Variants in UBR3 observed in about 807,000 individuals in gnomAD.
UBR3 encodes E3 ubiquitin-protein ligase UBR3.
Under a neutral mutation model 243.2 loss-of-function variants are expected in UBR3, and 85 were observed. That is an observed-to-expected ratio of 0.35 (90% confidence interval 0.29 to 0.42). The LOEUF (loss-of-function observed/expected upper bound fraction) is 0.42, where lower values mean the gene tolerates loss of function less well. Ranked by LOEUF, UBR3 falls within the 10% of genes least tolerant of loss-of-function variation. UBR3 has a pLI of 1.00. For synonymous variants in UBR3, 748 were observed against 799.8 expected, an observed-to-expected ratio of 0.94 and a Z score of 1.09; for missense variants, 1,686 against 2,300.8, an observed-to-expected ratio of 0.73 and a Z score of 5.47.
At chr2:169,933,964 ACTGAGGTTCTCTTT>A (rs1476150510) in intron 19 of UBR3, among the ~76,000 whole-genome samples, 2 of 152,156 alleles carry the variant, frequency 1.3e-5, no homozygotes, top group African/African-American at 2.4e-5. Context: ...GAGAAATTAG[ACTGAGGTTCTCTTT>A]CTCTGGTTTC....
rs73015750 is a variant in UBR3, at chr2:169,927,150, G to T, written c.2339-170G>T. Among the ~76,000 whole-genome samples the T allele has an allele frequency of 0.044, 6,631 of 152,266 alleles. 166 individuals carry two copies. Among genetic ancestry groups the T allele is most frequent in the Middle Eastern group, 0.068 (20 of 294 alleles). On this transcript the variant is annotated intron_variant, in intron 16 of 38. Coordinates refer to ENST00000272793, the MANE Select transcript of UBR3 (RefSeq NM_172070.4). ...CTTTTAGAATATCCTTTGCTTAAGG[G>T]AACTGCAAACAGCAGTTAAACTGCA... is the stretch of plus-strand genomic sequence containing the variant.
At chr2:169,929,055 A>G (rs1363308521) in intron 18 of UBR3, among the ~76,000 whole-genome samples, 187 bp downstream of exon 18, 1 of 152,234 alleles carries the variant, frequency 6.6e-6, no homozygotes, top group Non-Finnish European at 1.5e-5. Context: ...AGAAATCTAT[A>G]GCTTTATGTT....
chr2:170,040,766 C>A, intron 31 of UBR3, 116 bp from the exon 32 acceptor site: 1 of 818,100 alleles, frequency 1.2e-6, no homozygotes, highest in Non-Finnish European at 1.8e-6. Context: ...TTTTACATTT[C>A]TTCTTTGTGT....
intron 16 of UBR3, 60 bp from the exon 17 acceptor site, chr2:169,927,260 T>C: frequency 2.1e-6 from 3 of 1,442,100 alleles, no homozygotes; most frequent in African/African-American, 2.9e-5. Context: ...GTGTGGTAAG[T>C]TTTTTTCTTT....
In UBR3 at chr2:169,946,123, GA is replaced by G. The variant is rs1461589824; in HGVS notation, c.2806-163del. 9.2e-5 allele frequency among the ~76,000 whole-genome samples: 14 copies of G among 152,144 alleles called. No individual in the cohort carries two copies. In the South Asian group the frequency reaches 1.0e-3, roughly 11 times the overall value. ...TTTTATTAAATACTTATATTCGTAT[GA>G]ATTTTTTTAGTGGACTCTGACATAC... is the stretch of plus-strand genomic sequence containing the variant. On this transcript the variant is annotated intron_variant, in intron 20 of 38. Coordinates refer to ENST00000272793, the MANE Select transcript of UBR3 (RefSeq NM_172070.4).
chr2:169,985,641 C>T (rs1029408373), intron 24 of UBR3, among the ~76,000 whole-genome samples: 1 of 152,020 alleles, frequency 6.6e-6, no homozygotes, highest in Non-Finnish European at 1.5e-5. Context: ...TGATTCTATT[C>T]AGGTACTGTT....
intron 26 of UBR3, among the ~76,000 whole-genome samples, chr2:169,999,207 A>G (rs1276843206): frequency 6.6e-6 from 1 of 152,236 alleles, no homozygotes; most frequent in Middle Eastern, 3.2e-3. Context: ...CGGACTACCA[A>G]TCATTCTAAA....
intron 33 of UBR3, among the ~76,000 whole-genome samples, chr2:170,056,536 GA>G (rs1433362821): frequency 2.6e-5 from 4 of 152,176 alleles, no homozygotes; most frequent in African/African-American, 9.7e-5. Context: ...GATAAAAGAA[GA>G]AAATTGCTTC....
rs1359444250 is a variant in UBR3 at position 169,994,393 on chromosome 2, T to C, written c.3855T>C (p.Pro1285=). 1 of 1,614,172 alleles carries C rather than the reference T, an allele frequency of 6.2e-7. No homozygotes were observed. The highest frequency in any genetic ancestry group is 1.1e-5 in the South Asian group (1 of 91,078). Residue 1285 remains proline, a synonymous_variant, in exon 26 of 39, where the codon CCT becomes CCC. Coordinates refer to ENST00000272793, the MANE Select transcript of UBR3 (RefSeq NM_172070.4). ...LPISEEEQIY[P]WDTCAAVHDV... ...TCAGTGAAGAGGAGCAGATTTACCCTTGGGATACCTGTGCAGCCGTTCATG... is the reference window on the plus strand; with the variant it reads ...TCAGTGAAGAGGAGCAGATTTACCCCTGGGATACCTGTGCAGCCGTTCATG...
At chr2:169,971,579 G>A (rs2088147368) in intron 24 of UBR3, among the ~76,000 whole-genome samples, 1 of 151,988 alleles carries the variant, frequency 6.6e-6, no homozygotes, top group Non-Finnish European at 1.5e-5. Context: ...TTATTAAATA[G>A]GGAATCCTTT....
chr2:169,901,303 T>C (rs971998538), intron 8 of UBR3, among the ~76,000 whole-genome samples: 4 of 152,226 alleles, frequency 2.6e-5, no homozygotes, highest in African/African-American at 9.6e-5. Flanking sequence ...TGGTAAGATC[T>C]TTAAATATAA....
At chr2:169,855,980 C>T (rs2082834848) in intron 1 of UBR3, among the ~76,000 whole-genome samples, 1 of 151,348 alleles carries the variant, frequency 6.6e-6, no homozygotes, top group Non-Finnish European at 1.5e-5. Context: ...CGGGGGCTGC[C>T]CCCCACCTCC....
intron 31 of UBR3, among the ~76,000 whole-genome samples, chr2:170,040,359 G>T (rs187959683): frequency 4.0e-5 from 6 of 151,820 alleles, no homozygotes; most frequent in African/African-American, 1.5e-4. Flanking sequence ...GCCTGCCTCA[G>T]CCTCACAAAG....
At chr2:169,992,980 T>TG (rs143489259) in intron 25 of UBR3, among the ~76,000 whole-genome samples, 27,788 of 152,128 alleles carry the variant, frequency 0.18, 2,800 homozygotes, top group East Asian at 0.37. Context: ...AGGCCGGTCT[T>TG]GAACTTCTGG....
At chr2:170,065,015 G>T (rs1339424298) in intron 35 of UBR3, among the ~76,000 whole-genome samples, 1 of 150,810 alleles carries the variant, frequency 6.6e-6, no homozygotes, top group Non-Finnish European at 1.5e-5. Flanking sequence ...GCTAATTTTT[G>T]TATTTTTAGT....
At chr2:169,937,591 G>C (rs2086394217) in intron 19 of UBR3, among the ~76,000 whole-genome samples, 1 of 152,162 alleles carries the variant, frequency 6.6e-6, no homozygotes, top group Non-Finnish European at 1.5e-5. Flanking sequence ...CCATGCCTGT[G>C]TCCGGAATGG....
chr2:169,857,848 C>T (rs746842809), intron 1 of UBR3, among the ~76,000 whole-genome samples: 2 of 152,160 alleles, frequency 1.3e-5, no homozygotes, highest in Non-Finnish European at 2.9e-5. Flanking sequence ...CTAAAGTGAT[C>T]CTCAGACCTC....
intron 32 of UBR3, among the ~76,000 whole-genome samples, chr2:170,051,111 T>A (rs1352658692): frequency 6.6e-6 from 1 of 152,164 alleles, no homozygotes; most frequent in Non-Finnish European, 1.5e-5. Flanking sequence ...TCTGTACATG[T>A]TCAGTACAGA....
intron 30 of UBR3, among the ~76,000 whole-genome samples, chr2:170,022,756 A>G (rs1347056466): frequency 6.6e-6 from 1 of 152,140 alleles, no homozygotes; most frequent in East Asian, 1.9e-4. Flanking sequence ...AAATTCTACC[A>G]TAACTGCCAC....
Sources: allele counts gnomAD v4.1 joint callset (sites outside exome capture counted in the v4.1 genomes callset), GRCh38; gene constraint gnomAD v4.1.1; transcripts MANE v1.5; gene names NCBI Gene and HGNC (gene_info 2026-07-23, HGNC 2026-07-21).